Variants in P2RY12 observed in about 807,000 individuals in gnomAD.
P2RY12 encodes P2Y purinoceptor 12.
A neutral mutation model predicts 4.5 loss-of-function variants in P2RY12; 3 were observed. That is an observed-to-expected ratio of 0.67 (90% confidence interval 0.31 to 1.74). The LOEUF (loss-of-function observed/expected upper bound fraction) is 1.74, where lower values mean the gene tolerates loss of function less well. P2RY12 is among the 40% of genes most tolerant of loss of function. The pLI, the probability that P2RY12 is intolerant of heterozygous loss-of-function variation, is 0.09. For missense variants in P2RY12, 356 were observed against 407.8 expected, an observed-to-expected ratio of 0.87 and a Z score of 1.09; for synonymous variants, 148 against 154.1, an observed-to-expected ratio of 0.96 and a Z score of 0.29.
chr3:151,358,259 A>G (rs908919355), intron 1 of P2RY12, among the ~76,000 whole-genome samples: 2 of 152,182 alleles, frequency 1.3e-5, no homozygotes, highest in Non-Finnish European at 1.5e-5. Context: ...TCCTAAAAAC[A>G]TCAGAATGTA....
At chr3:151,349,750 A>T (rs1577400842) in intron 1 of P2RY12, among the ~76,000 whole-genome samples, 1 of 152,282 alleles carries the variant, frequency 6.6e-6, no homozygotes, top group East Asian at 1.9e-4. Flanking sequence ...AATTAATACC[A>T]TGTTCAATTT....
rs763092923 is a variant in P2RY12 at position 151,369,418 on chromosome 3, G to A, written c.-180+15274C>T. The A allele has an allele frequency of 9.1e-6, 14 of 1,531,378 alleles. No individual in the cohort carries two copies. In the South Asian group the frequency reaches 1.4e-4, roughly 15 times the overall value. 94.9% of individuals were successfully genotyped at this position (1,531,378 alleles called of 1,614,324 possible). A position where few individuals can be genotyped will look rare whatever the true frequency, so the allele number is the denominator to read the frequency against. On this transcript the variant is annotated intron_variant, in intron 1 of 2. Coordinates refer to ENST00000302632, the MANE Select transcript of P2RY12 (RefSeq NM_022788.5). The stretch of plus-strand genomic sequence containing the variant: ...TAATGATGGTAATGAGACTATTAAA[G>A]ATTTGTTGTTTTTGTAGGCAAACCT...
intron 1 of P2RY12, chr3:151,377,091 A>C (rs1378168248): frequency 6.2e-7 from 1 of 1,613,970 alleles, no homozygotes; most frequent in East Asian, 2.2e-5. Flanking sequence ...AATTCTTCTA[A>C]TTCTGGCATG....
chr3:151,377,151 G>A (rs754678243), intron 1 of P2RY12: 7 of 1,613,066 alleles, frequency 4.3e-6, no homozygotes, highest in Non-Finnish European at 5.9e-6. Flanking sequence ...AGTAGCACGA[G>A]ACAGAATGGA....
intron 1 of P2RY12, among the ~76,000 whole-genome samples, chr3:151,349,053 AG>A (rs1337475972): frequency 1.3e-5 from 2 of 152,236 alleles, no homozygotes; most frequent in African/African-American, 2.4e-5. Context: ...TAAGAAAAGG[AG>A]GTTTACCAAA....
chr3:151,341,692 G>A (rs112245477), intron 1 of P2RY12, among the ~76,000 whole-genome samples: 3,313 of 151,610 alleles, frequency 0.022, 117 homozygotes, highest in African/African-American at 0.078. Flanking sequence ...TCGTCATTTA[G>A]CATTAGGTAT....
intron 1 of P2RY12, among the ~76,000 whole-genome samples, chr3:151,374,735 T>C (rs1163864634): frequency 6.6e-6 from 1 of 152,220 alleles, no homozygotes; most frequent in Non-Finnish European, 1.5e-5. Flanking sequence ...AGAACTAGGT[T>C]CATTTGGTTT....
chr3:151,383,750 C>A, intron 1 of P2RY12: 1 of 1,445,860 alleles, frequency 6.9e-7, no homozygotes, highest in Non-Finnish European at 9.6e-7. Flanking sequence ...TTACAGAATG[C>A]AAATATCTTA....
chr3:151,380,351 C>G (rs1712038535), intron 1 of P2RY12: 7 of 593,384 alleles, frequency 1.2e-5, no homozygotes, highest in Non-Finnish European at 1.9e-5. Context: ...AATCCCAGCA[C>G]TTTGGGAGGC....
chr3:151,372,536 G>A (rs746693954), intron 1 of P2RY12: 2 of 1,564,668 alleles, frequency 1.3e-6, no homozygotes, highest in South Asian at 2.2e-5. Context: ...TTGAACTTCT[G>A]TGATTTTGCT....
At chr3:151,346,327 G>C (rs1225374390) in intron 1 of P2RY12, among the ~76,000 whole-genome samples, 2 of 152,082 alleles carry the variant, frequency 1.3e-5, no homozygotes, top group Non-Finnish European at 2.9e-5. Context: ...TTATTTGAAA[G>C]ATAGGTCTGA....
At position 151,338,463 on chromosome 3, in the gene P2RY12, C is replaced by T; in HGVS notation, c.383G>A (p.Arg128Lys). Residue 128 changes from arginine to lysine, a missense_variant, in exon 3 of 3, where the codon AGG becomes AAG. By Grantham distance (26) the Arg-to-Lys change is conservative. Coordinates refer to ENST00000302632, the MANE Select transcript of P2RY12 (RefSeq NM_022788.5). ...TTTGGGGTTGGATGTTTTAAATGGC[C>T]TGGTGGTCTTCTGGTAGCGATCGAT... is the stretch of plus-strand genomic sequence containing the variant. ...ITIDRYQKTT[R>K]PFKTSNPKNL... The T allele has an allele frequency of 6.2e-7, 1 of 1,613,852 alleles. No homozygotes were observed. The highest frequency in any genetic ancestry group is 2.2e-5 in the East Asian group (1 of 44,856).
At chr3:151,374,956 A>G (rs952987528) in intron 1 of P2RY12, among the ~76,000 whole-genome samples, 7 of 152,212 alleles carry the variant, frequency 4.6e-5, no homozygotes, top group Middle Eastern at 3.4e-3. Context: ...GACATACCTT[A>G]TATATTATTT....
rs776190048 is a variant in P2RY12 at position 151,383,816 on chromosome 3, A to G, written c.-180+876T>C. The G allele has an allele frequency of 1.2e-6, 2 of 1,614,022 alleles. No homozygotes were observed. The highest frequency in any genetic ancestry group is 1.7e-6 in the Non-Finnish European group (2 of 1,179,920). On this transcript the variant is annotated intron_variant, in intron 1 of 2. Transcript: ENST00000302632. Reference sequence around the variant, plus strand: ...TTTGACACGGTGCAGAGGAGCACCCAGTGGACTACAGACTGGGCCCTGCTA... The same window carrying G: ...TTTGACACGGTGCAGAGGAGCACCCGGTGGACTACAGACTGGGCCCTGCTA...
intron 1 of P2RY12, among the ~76,000 whole-genome samples, chr3:151,352,310 G>C (rs1323436923): frequency 2.0e-5 from 3 of 152,132 alleles, no homozygotes; most frequent in Non-Finnish European, 4.4e-5. Flanking sequence ...TCTCAGAATA[G>C]GGATCCTCAA....
intron 1 of P2RY12, among the ~76,000 whole-genome samples, chr3:151,352,963 T>C (rs1263851187): frequency 6.6e-6 from 1 of 152,224 alleles, no homozygotes; most frequent in East Asian, 1.9e-4. Flanking sequence ...ATAATGTTAC[T>C]CATGTAAATA....
intron 2 of P2RY12, 54 bp from the exon 3 acceptor site, chr3:151,338,913 T>C (rs138811723): frequency 3.3e-6 from 5 of 1,513,290 alleles, no homozygotes; most frequent in Non-Finnish European, 4.6e-6. Context: ...TTATTATTGC[T>C]GTTATCTCTG....
At chr3:151,358,760 G>A (rs1168413064) in intron 1 of P2RY12, among the ~76,000 whole-genome samples, 1 of 152,056 alleles carries the variant, frequency 6.6e-6, no homozygotes, top group Non-Finnish European at 1.5e-5. Flanking sequence ...TCGTACTTAT[G>A]TGAACAGTAC....
chr3:151,382,833 T>C, intron 1 of P2RY12: 1 of 1,033,500 alleles, frequency 9.7e-7, no homozygotes, highest in Non-Finnish European at 1.4e-6. Context: ...AAGTGCAAAG[T>C]CTGCATTACA....
Sources: allele counts gnomAD v4.1 joint callset (sites outside exome capture counted in the v4.1 genomes callset), GRCh38; gene constraint gnomAD v4.1.1; transcripts MANE v1.5; gene names NCBI Gene and HGNC (gene_info 2026-07-23, HGNC 2026-07-21).